The following MCIDAS variants were observed in gnomAD, a reference collection of about 807,000 sequenced individuals.
The protein encoded by MCIDAS is multicilin.
In MCIDAS, 23 loss-of-function variants were observed where a neutral mutation model predicts 35.4. That is an observed-to-expected ratio of 0.65 (90% CI 0.47 to 0.92). The LOEUF (loss-of-function observed/expected upper bound fraction) is 0.92. Among genes scored for constraint, MCIDAS ranks in the 40% least tolerant of loss-of-function variants. The pLI, the probability that MCIDAS is intolerant of heterozygous loss-of-function variation, is 0.00. For synonymous variants in MCIDAS, 228 were observed against 235.2 expected, an observed-to-expected ratio of 0.97 and a Z score of 0.28; for missense variants, 480 against 531.8, an observed-to-expected ratio of 0.90 and a Z score of 0.96.
chr5:55,222,207 G>C lies in MCIDAS; in HGVS notation c.575C>G (p.Ala192Gly). ...WKEVADQNQR[A>G]LGDALVENNQ... ...ATTCTCAACAAGCGCGTCTCCCAACGCTCTCTGGTTCTGGTCCGCCACCTC... is the reference window on the plus strand; with the variant it reads ...ATTCTCAACAAGCGCGTCTCCCAACCCTCTCTGGTTCTGGTCCGCCACCTC... The change falls in exon 5 of 7, where the codon GCG becomes GGG. Residue 192 changes from alanine (A) to glycine (G), a missense_variant. Physicochemically the swap from Ala to Gly is moderately conservative, Grantham distance 60. Transcript: ENST00000513312. The C allele has an allele frequency of 6.5e-7, 1 of 1,535,378 alleles. No individual in the cohort carries two copies. The highest frequency in any genetic ancestry group is 8.7e-7 in the Non-Finnish European group (1 of 1,146,894).
At position 55,226,585 on chromosome 5, in the gene MCIDAS, G is replaced by A. The variant is rs1296381137; in HGVS notation, c.300C>T (p.Ala100=). ...GSDAPPGGDL[A]ASQNHSHQTE... The stretch of plus-strand genomic sequence containing the variant: ...CGAGAAGGGGAGGTACCTGCGAGGC[G>A]GCCAGGTCACCACCAGGCGGCGCGT... The change falls in exon 3 of 7, where the codon GCC becomes GCT. Residue 100 remains alanine (A), a synonymous_variant. Transcript: ENST00000513312. 1.3e-6 allele frequency: 2 copies of A among 1,531,312 alleles called. No homozygotes were observed. The highest frequency in any genetic ancestry group is 1.7e-6 in the Non-Finnish European group (2 of 1,144,842). 94.9% of individuals were successfully genotyped at this position (1,531,312 alleles called of 1,614,324 possible).
chr5:55,224,241 A>C (rs938804589), intron 3 of MCIDAS, among the ~76,000 whole-genome samples: 1 of 151,572 alleles, frequency 6.6e-6, no homozygotes, highest in African/African-American at 2.4e-5. Context: ...CTCAAGGGCC[A>C]TGGTAAGAGA....
At position 55,223,056 on chromosome 5, in the gene MCIDAS, G is replaced by A. The variant is rs1240529076; in HGVS notation, c.310-33C>T. 1.3e-6 allele frequency: 2 copies of A among 1,505,830 alleles called. No homozygotes were observed. Among genetic ancestry groups the A allele is most frequent in the Non-Finnish European group, 1.8e-6 (2 of 1,119,840 alleles). 93.3% of individuals were successfully genotyped at this position (1,505,830 alleles called of 1,614,324 possible). The stretch of plus-strand genomic sequence containing the variant: ...AAACCAGAGGTGTACACTGGTTAAC[G>A]AGTCTGGCGTTAGAAAGCCTTCAAT... On this transcript the variant is annotated intron_variant, in intron 3 of 6. Transcript: ENST00000513312. This position sits in a 1 kb window ranked among gnomAD's most constrained non-coding sequence, Gnocchi z 4.4.
chr5:55,221,026 G>C lies in MCIDAS; in HGVS notation c.707C>G (p.Ser236Trp). The change falls in exon 6 of 7, where the codon TCG (serine) becomes TGG (tryptophan). Residue 236 changes from serine (S) to tryptophan (W), a missense_variant. Coordinates refer to ENST00000513312, the MANE Select transcript of MCIDAS (RefSeq NM_001190787.3). ...ELASRTRHLA[S>W]VLDKLMITQS... ...CCGCGCCCCACTTACATCCAGCACC[G>C]AGGCCAGGTGCCGGGTTCGGCTGGC... 4.6e-6 allele frequency: 7 copies of C among 1,535,760 alleles called. No individual in the cohort carries two copies. Among genetic ancestry groups the C allele is most frequent in the South Asian group, 1.2e-5 (1 of 84,036 alleles).
At chr5:55,221,451 T>C (rs1301087411) in intron 5 of MCIDAS, among the ~76,000 whole-genome samples, 2 of 152,060 alleles carry the variant, frequency 1.3e-5, no homozygotes, top group African/African-American at 4.8e-5. Flanking sequence ...TCTAGCTCAA[T>C]GATTGTGAGC....
At chr5:55,222,465 TGCC>T in intron 4 of MCIDAS, 66 bp from the exon 5 acceptor site, 1 of 1,291,208 alleles carries the variant, frequency 7.7e-7, no homozygotes, top group Non-Finnish European at 1.0e-6. Context: ...AGGAGCAAAA[TGCC>T]ACTCTGGGTG....
Position 55,223,153 on chromosome 5 carries a change from AC to A in MCIDAS, c.310-131del, listed in dbSNP as rs766135658. On this transcript the variant is annotated intron_variant, in intron 3 of 6. Transcript: ENST00000513312. This position sits in a 1 kb window ranked among gnomAD's most constrained non-coding sequence, Gnocchi z 4.4. ...ATGCACGTAACACAACTGCACTTGT[AC>A]CCCTAAGTCCCCCCAAATAAAACAA... 2.6e-5 allele frequency: 19 copies of A among 719,938 alleles called. No individual in the cohort carries two copies. The highest frequency in any genetic ancestry group is 5.3e-5 in the African/African-American group (3 of 56,634). The allele number at this position is 719,938 out of a possible 1,614,324, so 44.6% of individuals were successfully genotyped here.
intron 5 of MCIDAS, among the ~76,000 whole-genome samples, chr5:55,221,706 C>T (rs935509836): frequency 1.3e-5 from 2 of 152,144 alleles, no homozygotes; most frequent in African/African-American, 4.8e-5. Flanking sequence ...AGACGGATCA[C>T]CCGAGGTCAG....
intron 4 of MCIDAS, 120 bp from the exon 5 acceptor site, chr5:55,222,519 C>T (rs2111693914): frequency 2.4e-6 from 2 of 816,428 alleles, no homozygotes; most frequent in Middle Eastern, 7.3e-4. Flanking sequence ...AATTAAGCAC[C>T]CTTACTCCTA....
rs1745408253 is a variant in MCIDAS, at chr5:55,223,828, A to G, written c.310-805T>C. Among the ~76,000 whole-genome samples, 1 of 152,056 alleles carries G rather than the reference A, an allele frequency of 6.6e-6. No individual in the cohort carries two copies. The highest frequency in any genetic ancestry group is 1.5e-5 in the Non-Finnish European group (1 of 68,006). On this transcript the variant is annotated intron_variant, in intron 3 of 6. Transcript: ENST00000513312. This position sits in a 1 kb window ranked among gnomAD's most constrained non-coding sequence, Gnocchi z 4.4. Reference sequence around the variant, plus strand: ...CTCCATTGCTCTTTCAGTTTCCCAAAAAGTTGGGAGTACTCTTTTCTCGTA... The same window carrying G: ...CTCCATTGCTCTTTCAGTTTCCCAAGAAGTTGGGAGTACTCTTTTCTCGTA...
intron 4 of MCIDAS, among the ~76,000 whole-genome samples, chr5:55,222,667 A>G (rs1745383857): frequency 1.3e-5 from 2 of 152,276 alleles, no homozygotes; most frequent in South Asian, 4.2e-4. Flanking sequence ...GATACCCTGC[A>G]CACTCGTCAC....
chr5:55,226,489 G>A, intron 3 of MCIDAS, 87 bp downstream of exon 3: 1 of 1,347,972 alleles, frequency 7.4e-7, no homozygotes, highest in Non-Finnish European at 9.9e-7. Flanking sequence ...CCCGACCCGA[G>A]AGGAGCTTTT....
intron 3 of MCIDAS, among the ~76,000 whole-genome samples, chr5:55,224,145 C>T (rs1360452711): frequency 6.6e-6 from 1 of 151,996 alleles, no homozygotes; most frequent in Non-Finnish European, 1.5e-5. Flanking sequence ...GGGCCTCCTG[C>T]CTCCATACTT....
In MCIDAS at chr5:55,220,424, T is replaced by C. The variant is rs1745329284; in HGVS notation, c.1100A>G (p.Asn367Ser). The C allele has an allele frequency of 6.5e-7, 1 of 1,536,064 alleles. No homozygotes were observed. Among genetic ancestry groups the C allele is most frequent in the East Asian group, 2.4e-5 (1 of 40,916 alleles). Reference sequence around the variant, plus strand: ...GTTGGCTGTTCTGATGGTGAAGGCATTGCCCTGGGGGAAGGCGAGGGTGCG... The same window carrying C: ...GTTGGCTGTTCTGATGGTGAAGGCACTGCCCTGGGGGAAGGCGAGGGTGCG... The part of the protein sequence containing the change: ...TIRTLAFPQG[N>S]AFTIRTANGG... The change falls in exon 7 of 7, where the codon AAT (asparagine) becomes AGT (serine). Residue 367 changes from asparagine (N) to serine (S), a missense_variant. Physicochemically the swap from Asn to Ser is conservative, Grantham distance 46. Transcript: ENST00000513312.
Position 55,226,927 on chromosome 5 carries a change from G to T in MCIDAS, c.125C>A (p.Ala42Asp). 6.9e-7 allele frequency: 1 copy of T among 1,440,648 alleles called. No individual in the cohort carries two copies. 89.2% of individuals were successfully genotyped at this position (1,440,648 alleles called of 1,614,324 possible). Residue 42 changes from alanine to aspartate, a missense_variant, in exon 2 of 7, where the codon GCT (alanine) becomes GAT (aspartate). Transcript: ENST00000513312. The part of the protein sequence containing the change: ...CKPGKPERKF[A>D]PPRKFFPGCT... The stretch of plus-strand genomic sequence containing the variant: ...TCCGGGGAAGAACTTCCGCGGAGGA[G>T]CGAACTGGCCGGGCACACAAACGTT...
chr5:55,226,497 T>G, intron 3 of MCIDAS, 79 bp downstream of exon 3: 12 of 1,364,874 alleles, frequency 8.8e-6, no homozygotes, highest in Non-Finnish European at 1.1e-5. Context: ...GAGAGGAGCT[T>G]TTGGGGAATT....
rs563249538 is a variant in MCIDAS, at chr5:55,227,184, G to A, written c.-46C>T. The A allele has an allele frequency of 2.5e-4, 353 of 1,398,930 alleles. 7 individuals carry two copies. In the Middle Eastern group the frequency reaches 5.5e-3, roughly 22 times the overall value. The allele number at this position is 1,398,930 out of a possible 1,614,324, so 86.7% of individuals were successfully genotyped here. A position where few individuals can be genotyped will look rare whatever the true frequency, so the allele number is the denominator to read the frequency against. On this transcript the variant is annotated 5_prime_UTR_variant, in exon 1 of 7. Transcript: ENST00000513312. ...GCCGACTGCTCGGAGGCGGCGGCCC[G>A]GGCTGGGGCAGCGATCCACACCCTG...
chr5:55,220,863 A>AGCGT, intron 6 of MCIDAS, 57 bp from the exon 7 acceptor site: 1 of 1,489,306 alleles, frequency 6.7e-7, no homozygotes, highest in Non-Finnish European at 8.9e-7. Context: ...CCGGGTTCGG[A>AGCGT]GCGTGCAAAA....
chr5:55,227,167 C>T lies in MCIDAS; in HGVS notation c.-29G>A, dbSNP rs1233365020. The T allele has an allele frequency of 5.0e-6, 7 of 1,411,166 alleles. No individual in the cohort carries two copies. The highest frequency in any genetic ancestry group is 6.2e-5 in the Admixed American group (2 of 32,436). The allele number at this position is 1,411,166 out of a possible 1,614,324, so 87.4% of individuals were successfully genotyped here. ...GCCTCCTGCCTCCGGGTGCCGACTGCTCGGAGGCGGCGGCCCGGGCTGGGG... is the reference window on the plus strand; with the variant it reads ...GCCTCCTGCCTCCGGGTGCCGACTGTTCGGAGGCGGCGGCCCGGGCTGGGG... On this transcript the variant is annotated 5_prime_UTR_variant, in exon 1 of 7. Coordinates refer to ENST00000513312, the MANE Select transcript of MCIDAS (RefSeq NM_001190787.3).
Sources: allele counts gnomAD v4.1 joint callset (sites outside exome capture counted in the v4.1 genomes callset), GRCh38; gene constraint gnomAD v4.1.1; non-coding constraint Gnocchi (gnomAD v3.1); transcripts MANE v1.5; gene names NCBI Gene and HGNC (gene_info 2026-07-23, HGNC 2026-07-21).